Variants in QRICH1 observed in about 807,000 individuals in gnomAD.
QRICH1 encodes the protein glutamine rich 1.
A neutral mutation model predicts 87.1 loss-of-function variants in QRICH1; 16 were observed. The observed-to-expected ratio is 0.18, with a 90% confidence interval of 0.12 to 0.28. The LOEUF is 0.28. QRICH1 is among the 10% of genes least tolerant of loss of function. The pLI is 1.00. For missense variants in QRICH1, 647 were observed against 951.7 expected (o/e 0.68, Z 4.21); for synonymous variants, 367 against 368.4 (o/e 1.00, Z 0.05).
intron 6 of QRICH1, among the ~76,000 whole-genome samples, chr3:49,042,082 T>C (rs2093313834): frequency 6.6e-6 from 1 of 150,782 alleles, no homozygotes; most frequent in Admixed American, 6.6e-5. Flanking sequence ...CTGTGTTTTT[T>C]TTTTTTTTTG....
chr3:49,057,753 G>A lies in QRICH1; in HGVS notation c.447C>T (p.Pro149=), dbSNP rs772912147. The part of the protein sequence containing the change: ...IQGQAPQSAA[P]SIQTPSLQSP... ...TCTGCAGAGACGGGGTCTGAATGGA[G>A]GGGGCTGCTGACTGTGGTGCCTGGC... The change falls in exon 3 of 10, where the codon CCC becomes CCT. Residue 149 remains proline, a synonymous_variant. Coordinates refer to ENST00000395443, the MANE Select transcript of QRICH1 (RefSeq NM_198880.3). This position sits in a 1 kb window ranked among gnomAD's most constrained non-coding sequence, Gnocchi z 5.4. 8.1e-6 allele frequency: 13 copies of A among 1,614,088 alleles called. No individual in the cohort carries two copies. The highest frequency in any genetic ancestry group is 1.0e-5 in the Non-Finnish European group (12 of 1,180,042).
chr3:49,048,483 A>C (rs2093351328), intron 3 of QRICH1, among the ~76,000 whole-genome samples: 1 of 150,746 alleles, frequency 6.6e-6, no homozygotes. Context: ...GCTTTAAAAA[A>C]AAAAAAAAAA....
intron 1 of QRICH1, among the ~76,000 whole-genome samples, chr3:49,084,144 C>T (rs1202801101): frequency 6.6e-6 from 1 of 152,084 alleles, no homozygotes; most frequent in Non-Finnish European, 1.5e-5. Flanking sequence ...TGAGGTTTTG[C>T]CATGTTGGCC....
At chr3:49,055,530 T>C (rs1376899529) in intron 3 of QRICH1, among the ~76,000 whole-genome samples, 1 of 152,192 alleles carries the variant, frequency 6.6e-6, no homozygotes, top group Non-Finnish European at 1.5e-5. Flanking sequence ...CTAGACTATA[T>C]TTTTTAAATT....
intron 3 of QRICH1, among the ~76,000 whole-genome samples, chr3:49,053,872 TTGAC>T (rs1430766836): frequency 1.3e-5 from 2 of 152,168 alleles, no homozygotes; most frequent in Non-Finnish European, 2.9e-5. Context: ...AGGGTTCAAC[TTGAC>T]TGTCTTCTGC....
chr3:49,083,970 T>A (rs1281337788), intron 1 of QRICH1, among the ~76,000 whole-genome samples: 1 of 151,722 alleles, frequency 6.6e-6, no homozygotes, highest in Non-Finnish European at 1.5e-5. Context: ...CCTGGCTAAT[T>A]TTTGTATTTT....
intron 1 of QRICH1, chr3:49,093,499 A>C (rs764784905): frequency 1.3e-5 from 2 of 151,674 alleles, no homozygotes; most frequent in African/African-American, 4.8e-5. Context: ...CCGCCACCCG[A>C]TATCAGAGCG....
At chr3:49,089,061 CTTTTCT>C (rs2042223893) in intron 1 of QRICH1, among the ~76,000 whole-genome samples, 1 of 150,124 alleles carries the variant, frequency 6.7e-6, no homozygotes. Context: ...TTCTTTTTTT[CTTTTCT>C]TTTTTTTTTT....
chr3:49,044,298 C>T (rs2093327491), intron 6 of QRICH1, 92 bp downstream of exon 6: 1 of 960,196 alleles, frequency 1.0e-6, no homozygotes, highest in Non-Finnish European at 1.6e-6. Flanking sequence ...TATCCCCCCT[C>T]ACTCACATGC....
chr3:49,071,311 G>C (rs2093499222), intron 2 of QRICH1, among the ~76,000 whole-genome samples: 1 of 152,134 alleles, frequency 6.6e-6, no homozygotes, highest in South Asian at 2.1e-4. Flanking sequence ...CTCCCAAAGT[G>C]CTGGGATTAC....
intron 3 of QRICH1, among the ~76,000 whole-genome samples, chr3:49,051,588 C>G (rs1170334652): frequency 2.3e-5 from 3 of 132,134 alleles, no homozygotes; most frequent in East Asian, 2.6e-4. Context: ...CCCTGCGCCC[C>G]CCCCCCCCTC....
intron 2 of QRICH1, among the ~76,000 whole-genome samples, chr3:49,059,513 G>A (rs561769325): frequency 6.7e-6 from 1 of 149,578 alleles, no homozygotes; most frequent in African/African-American, 2.5e-5. Context: ...TCCGCCTCCT[G>A]GGTTCAAGCT....
rs377460748 is a variant in QRICH1, at chr3:49,057,085, T to C, written c.1115A>G (p.His372Arg). 1.2e-6 allele frequency: 2 copies of C among 1,614,224 alleles called. No homozygotes were observed. The highest frequency in any genetic ancestry group is 1.1e-5 in the South Asian group (1 of 91,086). Residue 372 changes from histidine (H) to arginine (R), a missense_variant, in exon 3 of 10, where the codon CAT (histidine) becomes CGT (arginine). Around this residue, in one of 7 missense-constraint regions of QRICH1, gnomAD observed 115 missense variants for 126.8 expected, o/e 0.91. Coordinates refer to ENST00000395443, the MANE Select transcript of QRICH1 (RefSeq NM_198880.3). The surrounding 1 kb of genome is among the most constrained non-coding windows in gnomAD (Gnocchi z 5.4). ...VGTTSVVKNSHEEVVQTLANS... is the reference protein window; with the variant it reads ...VGTTSVVKNSREEVVQTLANS... Reference sequence around the variant, plus strand: ...TGCAAGGGTCTGCACTACCTCTTCATGGGAGTTTTTCACTACAGATGTGGT... The same window carrying C: ...TGCAAGGGTCTGCACTACCTCTTCACGGGAGTTTTTCACTACAGATGTGGT...
intron 5 of QRICH1, 50 bp downstream of exon 5, chr3:49,046,375 T>C (rs2093339642): frequency 6.5e-7 from 1 of 1,545,922 alleles, no homozygotes; most frequent in Non-Finnish European, 8.7e-7. Flanking sequence ...CTAGCAAACA[T>C]CCAATAGGAA....
intron 2 of QRICH1, among the ~76,000 whole-genome samples, chr3:49,061,489 C>T (rs1195065677): frequency 6.6e-6 from 1 of 152,042 alleles, no homozygotes; most frequent in Non-Finnish European, 1.5e-5. Context: ...TAAAAAACAG[C>T]TTTTACCATC....
intron 1 of QRICH1, among the ~76,000 whole-genome samples, chr3:49,081,211 G>A (rs1039598805): frequency 6.6e-6 from 1 of 152,046 alleles, no homozygotes; most frequent in Non-Finnish European, 1.5e-5. Context: ...GAGGGCAGGA[G>A]ATCGAGACCA....
At chr3:49,053,198 G>GA (rs1245161392) in intron 3 of QRICH1, among the ~76,000 whole-genome samples, 1 of 152,086 alleles carries the variant, frequency 6.6e-6, no homozygotes, top group Non-Finnish European at 1.5e-5. Context: ...CAAGTCTAAA[G>GA]AAAGTCTCGG....
chr3:49,060,280 GC>G (rs1456635631), intron 2 of QRICH1, among the ~76,000 whole-genome samples: 1 of 151,660 alleles, frequency 6.6e-6, no homozygotes, highest in Non-Finnish European at 1.5e-5. Context: ...TGCAAGCTCC[GC>G]CTCCCAGGTT....
intron 6 of QRICH1, among the ~76,000 whole-genome samples, chr3:49,043,042 T>C (rs542391155): frequency 1.3e-5 from 2 of 152,218 alleles, no homozygotes; most frequent in East Asian, 1.9e-4. Context: ...TTAACAATAA[T>C]GTATCAATAT....
Sources: allele counts gnomAD v4.1 joint callset (sites outside exome capture counted in the v4.1 genomes callset), GRCh38; gene constraint gnomAD v4.1.1; regional missense constraint gnomAD v4.1.1; non-coding constraint Gnocchi (gnomAD v3.1); transcripts MANE v1.5; gene names NCBI Gene and HGNC (gene_info 2026-07-23, HGNC 2026-07-21).